Variants in ADAMTS20 observed in about 807,000 individuals in gnomAD.
ADAMTS20 encodes ADAM metallopeptidase with thrombospondin type 1 motif 20.
Under a neutral mutation model 260.1 loss-of-function variants are expected in ADAMTS20, and 225 were observed. The ratio of observed to expected loss-of-function variants is 0.87; its 90% CI spans 0.78 to 0.97. ADAMTS20 has a LOEUF of 0.97. ADAMTS20 is among the 50% of genes least tolerant of loss of function. The pLI, the probability that ADAMTS20 is intolerant of heterozygous loss-of-function variation, is 0.00. For synonymous variants in ADAMTS20, 802 were observed against 769.5 expected, an observed-to-expected ratio of 1.04 and a Z score of -0.70; for missense variants, 2,400 against 2,337.7, an observed-to-expected ratio of 1.03 and a Z score of -0.55.
intron 3 of ADAMTS20, among the ~76,000 whole-genome samples, chr12:43,510,651 C>T (rs1367119067): frequency 6.6e-6 from 1 of 151,772 alleles, no homozygotes; most frequent in Non-Finnish European, 1.5e-5. Flanking sequence ...TAATAACAAG[C>T]GTATTAAGAC....
chr12:43,495,083 A>T (rs1040696444), intron 4 of ADAMTS20, among the ~76,000 whole-genome samples: 1 of 152,224 alleles, frequency 6.6e-6, no homozygotes, highest in Non-Finnish European at 1.5e-5. Context: ...TCTGGATGTT[A>T]TAATATCAGC....
chr12:43,500,466 T>C (rs76356036), intron 4 of ADAMTS20, among the ~76,000 whole-genome samples: 2,698 of 152,326 alleles, frequency 0.018, 88 homozygotes, highest in African/African-American at 0.062. Flanking sequence ...AATCCCTTCA[T>C]AATTTAGAGT....
chr12:43,486,584 T>A (rs1178263113), intron 7 of ADAMTS20, among the ~76,000 whole-genome samples: 3 of 152,164 alleles, frequency 2.0e-5, no homozygotes, highest in Non-Finnish European at 4.4e-5. Context: ...AAATGGAATC[T>A]GATTAAATTC....
intron 29 of ADAMTS20, among the ~76,000 whole-genome samples, chr12:43,393,652 A>AT (rs896030157): frequency 5.3e-5 from 8 of 151,940 alleles, no homozygotes; most frequent in African/African-American, 7.2e-5. Flanking sequence ...CTTGTTTATA[A>AT]TTTTTTTATT....
At chr12:43,367,959 T>G (rs540821357) in intron 37 of ADAMTS20, among the ~76,000 whole-genome samples, 7 of 152,182 alleles carry the variant, frequency 4.6e-5, no homozygotes, top group Admixed American at 2.0e-4. Flanking sequence ...TGGAACCTAC[T>G]GCCCTATTAA....
chr12:43,483,493 C>T (rs77482773), intron 7 of ADAMTS20, among the ~76,000 whole-genome samples: 244 of 152,278 alleles, frequency 1.6e-3, no homozygotes, highest in African/African-American at 5.7e-3. Context: ...GACAGCCTTA[C>T]TGGAGTACTT....
intron 26 of ADAMTS20, 30 bp from the exon 27 acceptor site, chr12:43,427,499 A>T (rs779833485): frequency 1.9e-6 from 3 of 1,568,796 alleles, no homozygotes; most frequent in Non-Finnish European, 2.6e-6. Flanking sequence ...AAATATGCAC[A>T]AACTGCGGAT....
intron 12 of ADAMTS20, among the ~76,000 whole-genome samples, 168 bp from the exon 13 acceptor site, chr12:43,452,863 C>A (rs1392713513): frequency 1.3e-5 from 2 of 152,138 alleles, no homozygotes; most frequent in Non-Finnish European, 2.9e-5. Flanking sequence ...GCATAATGAA[C>A]CACAAAAATA....
At chr12:43,467,352 A>T (rs1217120080) in intron 8 of ADAMTS20, among the ~76,000 whole-genome samples, 1 of 152,084 alleles carries the variant, frequency 6.6e-6, no homozygotes, top group African/African-American at 2.4e-5. Context: ...TCACATCTTC[A>T]TGACTTAATT....
chr12:43,406,361 T>C (rs1228702393), intron 28 of ADAMTS20, among the ~76,000 whole-genome samples: 2 of 152,076 alleles, frequency 1.3e-5, no homozygotes, highest in African/African-American at 4.8e-5. Context: ...CAAAGTTAAA[T>C]TAAAAATTTT....
At chr12:43,420,800 C>CTTTTTTTTTTTTTTTTTTTTTGTT (rs1941214559) in intron 28 of ADAMTS20, among the ~76,000 whole-genome samples, 1 of 55,494 alleles carries the variant, frequency 1.8e-5, no homozygotes, top group Non-Finnish European at 3.1e-5. Flanking sequence ...CCTCCTCCTT[C>CTTTTTTTTTTTTTTTTTTTTTGTT]TTTTTTTTTT....
chr12:43,551,029 G>T lies in ADAMTS20; in HGVS notation c.333C>A (p.Thr111=), dbSNP rs779415291. Reference sequence around the variant, plus strand: ...CGCTCTCCCAGGCCCCGCGCTCCGGGGTTCCCAAGTGCACCTCGGTGTAGC... The same window carrying T: ...CGCTCTCCCAGGCCCCGCGCTCCGGTGTTCCCAAGTGCACCTCGGTGTAGC... The part of the protein sequence containing the change: ...AAGYTEVHLG[T]PERGAWESDA... Residue 111 remains threonine (T), a synonymous_variant, in exon 2 of 39, where the codon ACC becomes ACA. Coordinates refer to ENST00000389420, the MANE Select transcript of ADAMTS20 (RefSeq NM_025003.5). The surrounding 1 kb of genome is among the most constrained non-coding windows in gnomAD (Gnocchi z 4.6). The T allele has an allele frequency of 3.7e-6, 6 of 1,613,316 alleles. No homozygotes were observed. The African/African-American group carries it at 6.7e-5, about 18-fold the overall frequency.
Position 43,354,106 on chromosome 12 carries a change from A to T in ADAMTS20, c.*103T>A. On this transcript the variant is annotated 3_prime_UTR_variant, in exon 39 of 39. Transcript: ENST00000389420. The stretch of plus-strand genomic sequence containing the variant: ...TGAAAAAAAGGCAGAGACATATTGG[A>T]CATGGAAATCTCGGGAAGGGAGATA... 1 of 831,798 alleles carries T rather than the reference A, an allele frequency of 1.2e-6. No homozygotes were observed. Among genetic ancestry groups the T allele is most frequent in the South Asian group, 2.0e-5 (1 of 49,964 alleles). The allele number at this position is 831,798 out of a possible 1,614,324, so 51.5% of individuals were successfully genotyped here.
intron 28 of ADAMTS20, among the ~76,000 whole-genome samples, chr12:43,412,312 A>T (rs1479745216): frequency 6.6e-6 from 1 of 152,246 alleles, no homozygotes; most frequent in East Asian, 1.9e-4. Flanking sequence ...GAGAAAATTC[A>T]GTTGCTTGAG....
intron 28 of ADAMTS20, among the ~76,000 whole-genome samples, chr12:43,415,329 C>A (rs937341908): frequency 3.3e-5 from 5 of 151,914 alleles, no homozygotes; most frequent in African/African-American, 1.2e-4. Context: ...TGAAGTTTTG[C>A]TGGATGTCTT....
chr12:43,544,394 A>G (rs1208333874), intron 2 of ADAMTS20, among the ~76,000 whole-genome samples: 1 of 152,222 alleles, frequency 6.6e-6, no homozygotes, highest in Non-Finnish European at 1.5e-5. Context: ...GTTGCTCAAC[A>G]TGTGTTGAGC....
chr12:43,446,567 G>T, intron 15 of ADAMTS20, 28 bp downstream of exon 15: 2 of 1,573,230 alleles, frequency 1.3e-6, no homozygotes, highest in Non-Finnish European at 1.7e-6. Context: ...AAATAAAAGC[G>T]AAATCTAGAA....
chr12:43,461,127 A>T (rs1366254581), intron 11 of ADAMTS20, among the ~76,000 whole-genome samples: 3 of 149,522 alleles, frequency 2.0e-5, no homozygotes, highest in African/African-American at 4.9e-5. Context: ...AGTAGCTGGG[A>T]TTACAGGCGC....
chr12:43,380,321 A>G (rs761309068), intron 31 of ADAMTS20, among the ~76,000 whole-genome samples: 12 of 152,168 alleles, frequency 7.9e-5, no homozygotes, highest in Non-Finnish European at 1.6e-4. Context: ...CAGAAAATCC[A>G]TAGTTAGCAT....
Sources: gnomAD v4.1 joint callset for allele counts (sites outside exome capture counted in the v4.1 genomes callset) on GRCh38, gnomAD v4.1.1 for gene constraint, Gnocchi (gnomAD v3.1) non-coding constraint, MANE v1.5 for transcripts, NCBI Gene and HGNC (gene_info 2026-07-23, HGNC 2026-07-21) for gene names.